YAP1: variants seen among roughly 807,000 people sequenced by gnomAD.
The protein encoded by YAP1 is Yes1 associated transcriptional regulator, also known as transcriptional coactivator YAP1.
A neutral mutation model predicts 56.9 loss-of-function variants in YAP1; 5 were observed. The ratio of observed to expected loss-of-function variants is 0.09; its 90% confidence interval spans 0.05 to 0.18. The LOEUF (loss-of-function observed/expected upper bound fraction) is 0.18. Among genes scored for constraint, YAP1 ranks in the 10% least tolerant of loss-of-function variants. YAP1 has a pLI of 1.00. For synonymous variants in YAP1, 265 were observed against 248.1 expected, an observed-to-expected ratio of 1.07 and a Z score of -0.64; for missense variants, 539 against 651.8, an observed-to-expected ratio of 0.83 and a Z score of 1.88.
chr11:102,194,343 T>C (rs1272854613), intron 4 of YAP1, among the ~76,000 whole-genome samples: 3 of 152,208 alleles, frequency 2.0e-5, no homozygotes, highest in Non-Finnish European at 4.4e-5. Flanking sequence ...AGATTCTGTT[T>C]TGTTTTGTTT....
chr11:102,145,333 A>G (rs1195003206), intron 2 of YAP1, among the ~76,000 whole-genome samples: 2 of 152,204 alleles, frequency 1.3e-5, no homozygotes, highest in Non-Finnish European at 2.9e-5. Context: ...ATTTCTTTGT[A>G]GGGATAAAGA....
rs1031490253 is a variant in YAP1, at chr11:102,112,721, G to T, written c.322-1423G>T. Reference sequence around the variant, plus strand: ...AGAAGGAAAAACAATTTAGCTGCTTGCCTAAACACTTCAATTTGTCTTAGG... The same window carrying T: ...AGAAGGAAAAACAATTTAGCTGCTTTCCTAAACACTTCAATTTGTCTTAGG... On this transcript the variant is annotated intron_variant, in intron 1 of 8. Coordinates refer to ENST00000282441, the MANE Select transcript of YAP1 (RefSeq NM_001130145.3). 3 of 985,164 alleles carry T rather than the reference G, an allele frequency of 3.0e-6. No individual in the cohort carries two copies. In the African/African-American group the frequency reaches 5.2e-5, roughly 17 times the overall value. The allele number at this position is 985,164 out of a possible 1,614,324, so 61.0% of individuals were successfully genotyped here.
At chr11:102,226,374 A>C (rs561258239) in intron 7 of YAP1, among the ~76,000 whole-genome samples, 8 of 152,354 alleles carry the variant, frequency 5.3e-5, no homozygotes, top group African/African-American at 1.7e-4. Context: ...TAGGGAAGGC[A>C]GTTGGGGTAT....
intron 3 of YAP1, among the ~76,000 whole-genome samples, chr11:102,171,221 T>G (rs1946883752): frequency 2.6e-5 from 4 of 152,212 alleles, no homozygotes; most frequent in Admixed American, 2.0e-4. Flanking sequence ...GTTGGAATAT[T>G]ATTTTTGTCT....
chr11:102,123,712 T>C (rs1943842540), intron 2 of YAP1, among the ~76,000 whole-genome samples: 2 of 149,892 alleles, frequency 1.3e-5, no homozygotes, highest in South Asian at 4.3e-4. Flanking sequence ...CGATCTCGTC[T>C]CACTGCAAGC....
intron 7 of YAP1, chr11:102,226,923 G>A (rs953915282): frequency 6.6e-6 from 1 of 152,464 alleles, no homozygotes; most frequent in Non-Finnish European, 1.5e-5. Flanking sequence ...AAGGAATTCT[G>A]GTGGTTTATT....
At chr11:102,138,565 G>C (rs1944820090) in intron 2 of YAP1, among the ~76,000 whole-genome samples, 1 of 152,200 alleles carries the variant, frequency 6.6e-6, no homozygotes, top group East Asian at 1.9e-4. Context: ...TTGTAGATTA[G>C]TTTAGGCATG....
intron 2 of YAP1, among the ~76,000 whole-genome samples, chr11:102,119,038 C>T (rs1031422624): frequency 1.3e-5 from 2 of 151,692 alleles, no homozygotes; most frequent in East Asian, 2.0e-4. Flanking sequence ...ATTGCAATCA[C>T]GAAGTATTTC....
At chr11:102,205,498 A>G (rs988038954) in intron 4 of YAP1, among the ~76,000 whole-genome samples, 2 of 152,164 alleles carry the variant, frequency 1.3e-5, no homozygotes, top group African/African-American at 2.4e-5. Context: ...TCTGGAGCCA[A>G]AAGATGTTAG....
chr11:102,227,322 G>T lies in YAP1; in HGVS notation c.1164-147G>T, dbSNP rs1049881121. 9.6e-6 allele frequency: 6 copies of T among 625,714 alleles called. No individual in the cohort carries two copies. The Admixed American group carries it at 1.6e-4, about 16-fold the overall frequency. 38.8% of individuals were successfully genotyped at this position (625,714 alleles called of 1,614,324 possible). The stretch of plus-strand genomic sequence containing the variant: ...CACAAGCCCTGTCTATGGCCCTGAG[G>T]GAGGGTGCTTGTTTCAGACATTGCA... On this transcript the variant is annotated intron_variant, in intron 7 of 8. Coordinates refer to ENST00000282441, the MANE Select transcript of YAP1 (RefSeq NM_001130145.3).
chr11:102,186,023 C>G lies in YAP1; in HGVS notation c.694C>G (p.Leu232Val). 6.3e-7 allele frequency: 1 copy of G among 1,583,836 alleles called. No homozygotes were observed. Among genetic ancestry groups the G allele is most frequent in the Non-Finnish European group, 8.6e-7 (1 of 1,167,902 alleles). Residue 232 changes from leucine (L) to valine (V), a missense_variant, in exon 4 of 9, where the codon CTT (leucine) becomes GTT (valine). Around this residue, in one of 4 missense-constraint regions of YAP1, gnomAD observed 414 missense variants for 512.4 expected, o/e 0.81. Transcript: ENST00000282441. ...TTTTTTTTTCTGTATTATAGGTCCT[C>G]TTCCTGATGGATGGGAACAAGCCAT... ...QNMMNSASGP[L>V]PDGWEQAMTQ...
At chr11:102,165,784 G>A (rs1303794101) in intron 3 of YAP1, among the ~76,000 whole-genome samples, 1 of 152,176 alleles carries the variant, frequency 6.6e-6, no homozygotes, top group East Asian at 1.9e-4. Flanking sequence ...CTGACAGATA[G>A]GATAACTGAC....
intron 2 of YAP1, among the ~76,000 whole-genome samples, chr11:102,126,933 A>G (rs1474663869): frequency 2.0e-5 from 3 of 152,176 alleles, no homozygotes; most frequent in Non-Finnish European, 4.4e-5. Context: ...CGTTTTAGCA[A>G]AGGGACTGGT....
In YAP1 at chr11:102,114,378, C is replaced by A; in HGVS notation, c.556C>A (p.Gln186Lys). Reference protein sequence around the residue: ...GWEMAKTSSGQRYFLNHIDQT... With the variant: ...GWEMAKTSSGKRYFLNHIDQT... ...GGAGATGGCAAAGACATCTTCTGGT[C>A]AGAGATACTTCTTAAAGTAAGTGAA... The change falls in exon 2 of 9, where the codon CAG becomes AAG. Residue 186 changes from glutamine to lysine, a missense_variant. Transcript: ENST00000282441. 6.2e-7 allele frequency: 1 copy of A among 1,613,218 alleles called. No homozygotes were observed. The highest frequency in any genetic ancestry group is 1.1e-5 in the South Asian group (1 of 90,990).
intron 2 of YAP1, among the ~76,000 whole-genome samples, chr11:102,159,082 A>T (rs1027903314): frequency 2.2e-4 from 33 of 152,284 alleles, no homozygotes; most frequent in African/African-American, 7.9e-4. Flanking sequence ...TGAGATTTTT[A>T]TTTTATTTCC....
At chr11:102,162,067 C>T (rs1341326124) in intron 2 of YAP1, among the ~76,000 whole-genome samples, 1 of 152,146 alleles carries the variant, frequency 6.6e-6, no homozygotes, top group African/African-American at 2.4e-5. Context: ...ATTTGGCATT[C>T]TTATCTCTAG....
intron 8 of YAP1, among the ~76,000 whole-genome samples, 183 bp downstream of exon 8, chr11:102,227,764 T>A (rs187064269): frequency 6.6e-6 from 1 of 152,144 alleles, no homozygotes; most frequent in Non-Finnish European, 1.5e-5. Context: ...TTTCCTAGTT[T>A]AAAAAAATAT....
At chr11:102,160,532 A>G (rs1946210957) in intron 2 of YAP1, among the ~76,000 whole-genome samples, 2 of 152,366 alleles carry the variant, frequency 1.3e-5, no homozygotes, top group African/African-American at 4.8e-5. Context: ...TTTGAAAAAG[A>G]AAGCATTTAA....
intron 3 of YAP1, among the ~76,000 whole-genome samples, chr11:102,162,884 G>A (rs192588342): frequency 6.6e-6 from 1 of 152,060 alleles, no homozygotes; most frequent in East Asian, 1.9e-4. Context: ...CTGCTTTCTT[G>A]TGTCTCAGGT....
Sources: allele counts gnomAD v4.1 joint callset (sites outside exome capture counted in the v4.1 genomes callset), GRCh38; gene constraint gnomAD v4.1.1; regional missense constraint gnomAD v4.1.1; transcripts MANE v1.5; gene names NCBI Gene and HGNC (gene_info 2026-07-23, HGNC 2026-07-21).